The following GNB5 variants were observed in gnomAD, a reference collection of about 807,000 sequenced individuals.
The protein encoded by GNB5 is G protein subunit beta 5, also known as guanine nucleotide-binding protein subunit beta-5.
Under a neutral mutation model 55.3 loss-of-function variants are expected in GNB5, and 37 were observed. That is an observed-to-expected ratio of 0.67 (90% confidence interval 0.51 to 0.88). GNB5 has a LOEUF of 0.88. Among genes scored for constraint, GNB5 ranks in the 40% least tolerant of loss-of-function variants. The pLI is 0.00. For missense variants in GNB5, 476 were observed against 515.3 expected (o/e 0.92, Z 0.74); for synonymous variants, 219 against 198.5 (o/e 1.10, Z -0.87).
intron 3 of GNB5, among the ~76,000 whole-genome samples, chr15:52,161,706 G>C (rs1033431919): frequency 6.6e-6 from 1 of 152,228 alleles, no homozygotes; most frequent in Admixed American, 6.5e-5. Context: ...TTGGCTGGAA[G>C]AATCATGGAA....
chr15:52,185,948 T>G (rs1433875054), intron 1 of GNB5, among the ~76,000 whole-genome samples: 2 of 152,060 alleles, frequency 1.3e-5, no homozygotes, highest in Non-Finnish European at 2.9e-5. Flanking sequence ...CAGGCTAATT[T>G]TTGTATTTTT....
chr15:52,167,074 TAGA>T (rs1305518654), intron 3 of GNB5, among the ~76,000 whole-genome samples: 1 of 152,070 alleles, frequency 6.6e-6, no homozygotes. Context: ...CTAGAAAATC[TAGA>T]AGAAATAGAT....
intron 3 of GNB5, among the ~76,000 whole-genome samples, chr15:52,175,301 T>C (rs1211614476): frequency 6.6e-6 from 1 of 152,162 alleles, no homozygotes; most frequent in African/African-American, 2.4e-5. Context: ...TTTGGTACTA[T>C]AAAACTCATG....
rs749570874 is a variant in GNB5, at chr15:52,153,979, G to A, written c.336C>T (p.Asp112=). 1.2e-6 allele frequency: 2 copies of A among 1,614,088 alleles called. No homozygotes were observed. Among genetic ancestry groups the A allele is most frequent in the Non-Finnish European group, 1.7e-6 (2 of 1,179,954 alleles). Residue 112 remains aspartate, a synonymous_variant, in exon 4 of 13, where the codon GAC becomes GAT. Transcript: ENST00000261837. ...CGATCCTCCTCTTATCTTTGCACCA[G>A]TCCATGCACAGGACTTTGTTCCCGT... ...KGHGNKVLCM[D]WCKDKRRIVS...
At chr15:52,176,164 G>C (rs2034646299) in intron 3 of GNB5, among the ~76,000 whole-genome samples, 1 of 152,162 alleles carries the variant, frequency 6.6e-6, no homozygotes, top group Admixed American at 6.5e-5. Flanking sequence ...TCTGGGGAGT[G>C]AACAGATTCA....
intron 3 of GNB5, among the ~76,000 whole-genome samples, chr15:52,167,954 C>A (rs2034482308): frequency 6.6e-6 from 1 of 152,154 alleles, no homozygotes; most frequent in African/African-American, 2.4e-5. Flanking sequence ...AATTCAACAT[C>A]CCTTCATGTT....
At chr15:52,140,409 C>T (rs2033825577) in intron 7 of GNB5, among the ~76,000 whole-genome samples, 1 of 152,212 alleles carries the variant, frequency 6.6e-6, no homozygotes, top group South Asian at 2.1e-4. Context: ...CCTGGAGTGG[C>T]AGCGGTCCCT....
In GNB5 at chr15:52,147,527, C is replaced by T. The variant is rs749100407; in HGVS notation, c.426G>A (p.Ala142=). ...WDSFTTNKEH[A]VTMPCTWVMA... ...TCACCCACGTGCAGGGCATGGTGAC[C>T]GCGTGCTCCTGAAACACAGCACAGA... Residue 142 remains alanine (A), a synonymous_variant, in exon 6 of 13, where the codon GCG becomes GCA. Transcript: ENST00000261837. 1.9e-5 allele frequency: 30 copies of T among 1,585,220 alleles called. No homozygotes were observed. The East Asian group carries it at 3.6e-4, about 19-fold the overall frequency.
rs898159145 is a variant in GNB5 at position 52,177,018 on chromosome 15, C to T, written c.238+2750G>A. 4.7e-5 allele frequency among the ~76,000 whole-genome samples: 7 copies of T among 150,094 alleles called. No individual in the cohort carries two copies. The East Asian group carries it at 9.7e-4, about 21-fold the overall frequency. ...ACACACCCCCTCCTGGGGCCTCTGC[C>T]TAGCTCCTCCTTTTTTTTTTTTTTT... On this transcript the variant is annotated intron_variant, in intron 3 of 12. Coordinates refer to ENST00000261837, the MANE Select transcript of GNB5 (RefSeq NM_016194.4).
chr15:52,189,135 G>T (rs939855503), intron 1 of GNB5, among the ~76,000 whole-genome samples: 9 of 152,164 alleles, frequency 5.9e-5, no homozygotes, highest in African/African-American at 1.9e-4. Context: ...ATTAAAAATG[G>T]ACAAAAGGAC....
chr15:52,127,592 T>C (rs1299608730), intron 10 of GNB5, among the ~76,000 whole-genome samples: 1 of 152,166 alleles, frequency 6.6e-6, no homozygotes, highest in East Asian at 1.9e-4. Flanking sequence ...CAATCTATTC[T>C]TTTGTAATTT....
rs1006237562 is a variant in GNB5 at position 52,116,283 on chromosome 15, C to T, written c.*6474G>A. On this transcript the variant is annotated 3_prime_UTR_variant, in exon 13 of 13. Transcript: ENST00000261837. ...CACCATTGGTGTGCTGGTTAGATAA[C>T]CTTGGGTTCAAAGACAGACATTTCC... 10 of 152,182 alleles carry T rather than the reference C, an allele frequency of 6.6e-5. No individual in the cohort carries two copies. The highest frequency in any genetic ancestry group is 2.4e-4 in the African/African-American group (10 of 41,442). 9.4% of individuals were successfully genotyped at this position (152,182 alleles called of 1,614,324 possible).
chr15:52,181,329 G>C (rs1253624598), intron 2 of GNB5: 1 of 152,206 alleles, frequency 6.6e-6, no homozygotes. Flanking sequence ...AAGTAAGATG[G>C]TGTGGGCCGG....
intron 3 of GNB5, among the ~76,000 whole-genome samples, chr15:52,175,198 T>C (rs1442624491): frequency 6.6e-6 from 1 of 152,128 alleles, no homozygotes; most frequent in Admixed American, 6.5e-5. Flanking sequence ...GCCACCTATA[T>C]AGCAACACTA....
At chr15:52,164,144 C>A (rs2034399578) in intron 3 of GNB5, among the ~76,000 whole-genome samples, 1 of 150,526 alleles carries the variant, frequency 6.6e-6, no homozygotes, top group Admixed American at 6.6e-5. Context: ...ATACAAAATA[C>A]TAAAAATACA....
At chr15:52,159,177 G>A (rs1354834669) in intron 3 of GNB5, among the ~76,000 whole-genome samples, 1 of 152,184 alleles carries the variant, frequency 6.6e-6, no homozygotes, top group Non-Finnish European at 1.5e-5. Context: ...GTGCAGGCAA[G>A]TAATGGCGCT....
At chr15:52,167,143 T>A (rs1225254619) in intron 3 of GNB5, among the ~76,000 whole-genome samples, 1 of 152,190 alleles carries the variant, frequency 6.6e-6, no homozygotes, top group African/African-American at 2.4e-5. Flanking sequence ...ATGGAATCCC[T>A]GAATAGGCCA....
At chr15:52,132,630 C>T (rs1232936414) in intron 9 of GNB5, among the ~76,000 whole-genome samples, 1 of 110,332 alleles carries the variant, frequency 9.1e-6, no homozygotes, top group African/African-American at 4.2e-5. Context: ...TCACCATGCC[C>T]TGCTAATTTT....
chr15:52,171,196 T>C (rs186946392), intron 3 of GNB5, among the ~76,000 whole-genome samples: 82 of 152,152 alleles, frequency 5.4e-4, no homozygotes, highest in African/African-American at 1.4e-3. Context: ...ATCTTTAAGA[T>C]TGAATACTGT....
Sources: gnomAD v4.1 joint callset for allele counts (sites outside exome capture counted in the v4.1 genomes callset) on GRCh38, gnomAD v4.1.1 for gene constraint, MANE v1.5 for transcripts, NCBI Gene and HGNC (gene_info 2026-07-23, HGNC 2026-07-21) for gene names.